The following ANO2 variants were observed in gnomAD, a reference collection of about 807,000 sequenced individuals.
ANO2 encodes anoctamin-2.
In ANO2, 101 loss-of-function variants were observed where a neutral mutation model predicts 124.2. The ratio of observed to expected loss-of-function variants is 0.81; its 90% CI spans 0.69 to 0.96. ANO2 has a LOEUF of 0.96. Among genes scored for constraint, ANO2 ranks in the 40% least tolerant of loss-of-function variants. ANO2 has a pLI of 0.00. For missense variants in ANO2, 1,293 were observed against 1,274.5 expected, an observed-to-expected ratio of 1.01 and a Z score of -0.22; for synonymous variants, 486 against 482.5, an observed-to-expected ratio of 1.01 and a Z score of -0.09.
At chr12:5,740,169 T>C in intron 12 of ANO2, 1 of 346,078 alleles carries the variant, frequency 2.9e-6, no homozygotes, top group South Asian at 2.2e-5. Flanking sequence ...GGGCTGAACA[T>C]CTGATGCAGG....
intron 3 of ANO2, among the ~76,000 whole-genome samples, chr12:5,870,836 C>T (rs187647826): frequency 3.4e-4 from 52 of 152,326 alleles, no homozygotes; most frequent in Non-Finnish European, 6.2e-4. Context: ...CTATCCTAAA[C>T]AAGGTGGCCA....
At chr12:5,927,748 G>C (rs1022715206) in intron 1 of ANO2, among the ~76,000 whole-genome samples, 39 of 152,266 alleles carry the variant, frequency 2.6e-4, no homozygotes, top group African/African-American at 9.2e-4. Context: ...TGATGGGGCA[G>C]AGGTCATAGC....
chr12:5,778,213 A>G (rs1363773544), intron 10 of ANO2, among the ~76,000 whole-genome samples: 1 of 152,250 alleles, frequency 6.6e-6, no homozygotes, highest in Admixed American at 6.5e-5. Context: ...CAATCTTCAC[A>G]ATAGCACTAC....
At chr12:5,802,065 T>C (rs532222217) in intron 9 of ANO2, among the ~76,000 whole-genome samples, 3 of 152,312 alleles carry the variant, frequency 2.0e-5, no homozygotes, top group Admixed American at 1.3e-4. Context: ...CCAAGTCATA[T>C]GTCCAGGCAA....
At chr12:5,583,545 C>T (rs911069849) in intron 20 of ANO2, among the ~76,000 whole-genome samples, 5 of 145,574 alleles carry the variant, frequency 3.4e-5, no homozygotes, top group Admixed American at 7.0e-5. Flanking sequence ...CCCAGCTACT[C>T]GGGAGGCTGA....
intron 1 of ANO2, among the ~76,000 whole-genome samples, chr12:5,924,047 T>G (rs1166523762): frequency 6.6e-6 from 1 of 152,212 alleles, no homozygotes; most frequent in Non-Finnish European, 1.5e-5. Context: ...AAGGCTGTGA[T>G]TAGAATCGTT....
intron 16 of ANO2, among the ~76,000 whole-genome samples, chr12:5,616,765 T>C (rs2136912162): frequency 6.6e-6 from 1 of 152,168 alleles, no homozygotes; most frequent in East Asian, 1.9e-4. Context: ...CCCTCACCCA[T>C]CACCTTATAC....
intron 3 of ANO2, among the ~76,000 whole-genome samples, chr12:5,920,091 G>A (rs1360115215): frequency 1.3e-5 from 2 of 151,910 alleles, no homozygotes; most frequent in African/African-American, 4.8e-5. Flanking sequence ...ATGCATGCAT[G>A]CATGCATGGG....
chr12:5,635,466 G>A lies in ANO2; in HGVS notation c.1621-119C>T. The A allele has an allele frequency of 1.2e-6, 1 of 831,402 alleles. No individual in the cohort carries two copies. Among genetic ancestry groups the A allele is most frequent in the Non-Finnish European group, 1.7e-6 (1 of 597,410 alleles). 51.5% of individuals were successfully genotyped at this position (831,402 alleles called of 1,614,324 possible). On this transcript the variant is annotated intron_variant, in intron 15 of 24. Coordinates refer to ENST00000682330, the MANE Select transcript of ANO2 (RefSeq NM_001364791.2). This position sits in a 1 kb window ranked among gnomAD's most constrained non-coding sequence, Gnocchi z 5.2. ...TATTATTAATCTGGAATCTTTTGTTGGGTAACAAGGGATTCCAGATATTAT... is the reference window on the plus strand; with the variant it reads ...TATTATTAATCTGGAATCTTTTGTTAGGTAACAAGGGATTCCAGATATTAT...
intron 20 of ANO2, among the ~76,000 whole-genome samples, chr12:5,587,736 C>T (rs923310536): frequency 4.6e-5 from 7 of 152,094 alleles, no homozygotes; most frequent in African/African-American, 1.7e-4. Flanking sequence ...CAGGTTTCTC[C>T]AGCTTAATCC....
At chr12:5,756,159 T>C (rs905486015) in intron 10 of ANO2, among the ~76,000 whole-genome samples, 13 of 151,982 alleles carry the variant, frequency 8.6e-5, no homozygotes, top group African/African-American at 2.9e-4. Context: ...TGTATTAAGT[T>C]TTTTAGTTCA....
At chr12:5,564,500 C>CT (rs1941630402) in intron 24 of ANO2, 1 of 152,488 alleles carries the variant, frequency 6.6e-6, no homozygotes, top group African/African-American at 2.4e-5. Flanking sequence ...CTTTTCCCCT[C>CT]TGAGACTGGG....
At chr12:5,656,339 G>A (rs1947152696) in intron 14 of ANO2, among the ~76,000 whole-genome samples, 1 of 152,196 alleles carries the variant, frequency 6.6e-6, no homozygotes, top group African/African-American at 2.4e-5. Flanking sequence ...CAAAAAGAAT[G>A]GATCATCTTG....
At chr12:5,665,780 A>G (rs753974929) in intron 14 of ANO2, among the ~76,000 whole-genome samples, 18 of 132,832 alleles carry the variant, frequency 1.4e-4, no homozygotes, top group Non-Finnish European at 2.5e-4. Context: ...GACTCACTGC[A>G]TGGTTGGGGA....
chr12:5,944,100 G>A (rs150686501), intron 1 of ANO2, among the ~76,000 whole-genome samples: 4 of 152,326 alleles, frequency 2.6e-5, no homozygotes, highest in Non-Finnish European at 5.9e-5. Context: ...CGGAAATGAC[G>A]GGTGCACGTT....
At position 5,854,133 on chromosome 12, in the gene ANO2, G is replaced by A. The variant is rs1310518482; in HGVS notation, c.543C>T (p.Ser181=). The A allele has an allele frequency of 1.2e-6, 2 of 1,612,500 alleles. No homozygotes were observed. The highest frequency in any genetic ancestry group is 1.1e-5 in the South Asian group (1 of 91,066). The part of the protein sequence containing the change: ...LELEKDLENK[S]QGSIFVRIHA... ...GTATCCGGACAAAGATGGATCCCTG[G>A]CTTTTATTCTGCAAGGTACAAAGAA... The change falls in exon 4 of 25, where the codon AGC becomes AGT. Residue 181 remains serine, a synonymous_variant. Coordinates refer to ENST00000682330, the MANE Select transcript of ANO2 (RefSeq NM_001364791.2).
At chr12:5,721,993 T>C (rs1376394862) in intron 14 of ANO2, among the ~76,000 whole-genome samples, 2 of 152,208 alleles carry the variant, frequency 1.3e-5, no homozygotes, top group African/African-American at 4.8e-5. Context: ...TTGGGGAAAA[T>C]ATGCGTAAAT....
At position 5,810,787 on chromosome 12, in the gene ANO2, A is replaced by G. The variant is rs116600828; in HGVS notation, c.893-3419T>C. 7.6e-3 allele frequency among the ~76,000 whole-genome samples: 1,154 copies of G among 152,280 alleles called. 16 individuals carry two copies. The highest frequency in any genetic ancestry group is 0.026 in the African/African-American group (1,082 of 41,540). ...AGTGCTTAGAACTAAAAACCTCCAA[A>G]GGAAAAGACTCATGTTTCCTCCCTG... is the stretch of plus-strand genomic sequence containing the variant. On this transcript the variant is annotated intron_variant, in intron 7 of 24. Coordinates refer to ENST00000682330, the MANE Select transcript of ANO2 (RefSeq NM_001364791.2).
chr12:5,582,730 A>G (rs2136850817), intron 20 of ANO2, among the ~76,000 whole-genome samples: 2 of 152,334 alleles, frequency 1.3e-5, no homozygotes, highest in Middle Eastern at 6.8e-3. Flanking sequence ...AACCATTCCA[A>G]GACCATTTGT....
Sources: allele counts gnomAD v4.1 joint callset (sites outside exome capture counted in the v4.1 genomes callset), GRCh38; gene constraint gnomAD v4.1.1; non-coding constraint Gnocchi (gnomAD v3.1); transcripts MANE v1.5; gene names NCBI Gene and HGNC (gene_info 2026-07-23, HGNC 2026-07-21).